CD163L1: variants seen among roughly 807,000 people sequenced by gnomAD.
CD163L1 encodes scavenger receptor cysteine-rich type 1 protein M160.
In CD163L1, 124 loss-of-function variants were observed where a neutral mutation model predicts 165.4. The observed-to-expected ratio is 0.75, with a 90% CI of 0.65 to 0.87. The LOEUF (loss-of-function observed/expected upper bound fraction) is 0.87. Ranked by LOEUF, CD163L1 falls within the 40% of genes least tolerant of loss-of-function variation. CD163L1 has a pLI of 0.00. For synonymous variants in CD163L1, 585 were observed against 662.2 expected, an observed-to-expected ratio of 0.88 and a Z score of 1.79; for missense variants, 1,525 against 1,799.9, an observed-to-expected ratio of 0.85 and a Z score of 2.76.
At position 7,400,161 on chromosome 12, in the gene CD163L1, G is replaced by A. The variant is rs1045373154; in HGVS notation, c.1409-1577C>T. Among the ~76,000 whole-genome samples, 2 of 151,944 alleles carry A rather than the reference G, an allele frequency of 1.3e-5. No homozygotes were observed. Among genetic ancestry groups the A allele is most frequent in the East Asian group, 3.9e-4 (2 of 5,182 alleles). ...GTTATTTAATCAAGACACAATTCTT[G>A]GTTACCTATGTTATGGTTAATTTTT... is the stretch of plus-strand genomic sequence containing the variant. On this transcript the variant is annotated intron_variant, in intron 6 of 19. Coordinates refer to ENST00000313599, the MANE Select transcript of CD163L1 (RefSeq NM_174941.6). The surrounding 1 kb of genome is among the most constrained non-coding windows in gnomAD (Gnocchi z 4.1).
In CD163L1 at chr12:7,406,580, C is replaced by T. The variant is rs774381093; in HGVS notation, c.1039G>A (p.Val347Ile). 1.1e-5 allele frequency: 18 copies of T among 1,614,038 alleles called. No homozygotes were observed. The highest frequency in any genetic ancestry group is 4.5e-5 in the East Asian group (2 of 44,864). ...TTTTGATGAAGACAGTCAAAATTGA[C>T]GGTTCCGGAATGTCTGCAGTCCCAA... ...FLWDCRHSGTVNFDCLHQNDV... is the reference protein window; with the variant it reads ...FLWDCRHSGTINFDCLHQNDV... The change falls in exon 5 of 20, where the codon GTC becomes ATC. Residue 347 changes from valine (V) to isoleucine (I), a missense_variant. Val to Ile is a conservative substitution (Grantham distance 29). Transcript: ENST00000313599.
chr12:7,328,976 A>G, the CD163L1 span, among the ~76,000 whole-genome samples: 1 of 148,712 alleles, frequency 6.7e-6, no homozygotes, highest in Non-Finnish European at 1.5e-5. Flanking sequence ...ATACATATAT[A>G]CATATGTGTA....
the CD163L1 span, among the ~76,000 whole-genome samples, chr12:7,331,438 G>T: frequency 6.6e-6 from 1 of 152,202 alleles, no homozygotes; most frequent in Non-Finnish European, 1.5e-5. Context: ...GAGAGCAGTG[G>T]TTCTCCCAGC....
the CD163L1 span, among the ~76,000 whole-genome samples, chr12:7,338,412 T>C: frequency 6.6e-6 from 1 of 152,200 alleles, no homozygotes; most frequent in Non-Finnish European, 1.5e-5. Context: ...ATTCCTGACA[T>C]GAATAAGCAT....
At chr12:7,344,904 T>G (rs1946658846), downstream of CD163L1, among the ~76,000 whole-genome samples, 1 of 152,210 alleles carries the variant, frequency 6.6e-6, no homozygotes. Flanking sequence ...AGGAGCAGTG[T>G]CCCCAGGCTG....
At chr12:7,430,048 T>C (rs1298331096) in intron 4 of CD163L1, among the ~76,000 whole-genome samples, 2 of 152,108 alleles carry the variant, frequency 1.3e-5, no homozygotes, top group African/African-American at 2.4e-5. Flanking sequence ...GAGAATTGGG[T>C]TTCTCCTTTT....
rs1450447622 is a variant in CD163L1, at chr12:7,372,949, C to T, written c.3730+371G>A. On this transcript the variant is annotated intron_variant, in intron 14 of 19. Coordinates refer to ENST00000313599, the MANE Select transcript of CD163L1 (RefSeq NM_174941.6). The surrounding 1 kb of genome is among the most constrained non-coding windows in gnomAD (Gnocchi z 4.2). The stretch of plus-strand genomic sequence containing the variant: ...GGAAAAAATAGAGCTGCTTAATCTC[C>T]ATAATTAATTCACATTTCCTCAAAA... Among the ~76,000 whole-genome samples the T allele has an allele frequency of 6.6e-6, 1 of 152,052 alleles. No individual in the cohort carries two copies. The highest frequency in any genetic ancestry group is 2.4e-5 in the African/African-American group (1 of 41,406).
At position 7,393,436 on chromosome 12, in the gene CD163L1, G is replaced by T. The variant is rs763399322; in HGVS notation, c.2050+2659C>A. Among the ~76,000 whole-genome samples, 3 of 152,198 alleles carry T rather than the reference G, an allele frequency of 2.0e-5. No homozygotes were observed. In the South Asian group the frequency reaches 6.2e-4, roughly 32 times the overall value. On this transcript the variant is annotated intron_variant, in intron 8 of 19. Transcript: ENST00000313599. The stretch of plus-strand genomic sequence containing the variant: ...TGGAACGTATCTCAAAATAATAAGA[G>T]CTATTTATGACAAACCCACAGCCAA...
chr12:7,331,673 G>C, the CD163L1 span, among the ~76,000 whole-genome samples: 10 of 152,154 alleles, frequency 6.6e-5, no homozygotes, highest in African/African-American at 4.8e-5. Flanking sequence ...AGGCAAACAG[G>C]GTCTGGAATG....
intron 8 of CD163L1, among the ~76,000 whole-genome samples, chr12:7,383,120 G>C (rs1947447652): frequency 6.6e-6 from 1 of 152,162 alleles, no homozygotes; most frequent in Non-Finnish European, 1.5e-5. Flanking sequence ...GGCTTGCCAG[G>C]ATGCCATACA....
In CD163L1 at chr12:7,406,659, C is replaced by A. The variant is rs755422487; in HGVS notation, c.960G>T (p.Gly320=). ...CACCATCAAGCCATACAACATCAGA[C>A]CCTGACTGCAAATGAGGCAAGCCAG... ...HFAGLPHLQS[G]SDVVWLDGVS... Residue 320 remains glycine, a synonymous_variant, in exon 5 of 20, where the codon GGG becomes GGT. Coordinates refer to ENST00000313599, the MANE Select transcript of CD163L1 (RefSeq NM_174941.6). 17 of 1,613,952 alleles carry A rather than the reference C, an allele frequency of 1.1e-5. No individual in the cohort carries two copies. The highest frequency in any genetic ancestry group is 1.4e-5 in the Non-Finnish European group (16 of 1,180,000).
chr12:7,362,659 CTAATA>C (rs1048924698), intron 18 of CD163L1, among the ~76,000 whole-genome samples: 6 of 143,364 alleles, frequency 4.2e-5, no homozygotes, highest in East Asian at 3.9e-4. Flanking sequence ...TTATATAATT[CTAATA>C]TAATATATGA....
At chr12:7,363,929 C>T (rs1458798313) in intron 18 of CD163L1, among the ~76,000 whole-genome samples, 1 of 152,000 alleles carries the variant, frequency 6.6e-6, no homozygotes, top group Non-Finnish European at 1.5e-5. Context: ...CACTTCTAAA[C>T]TCATTTTATA....
intron 4 of CD163L1, among the ~76,000 whole-genome samples, chr12:7,423,117 TAACA>T (rs1948470166): frequency 6.6e-6 from 1 of 151,976 alleles, no homozygotes; most frequent in South Asian, 2.1e-4. Flanking sequence ...ACAGAAATCA[TAACA>T]AACAGTCTCT....
intron 18 of CD163L1, among the ~76,000 whole-genome samples, chr12:7,358,609 C>T (rs1449514914): frequency 1.3e-5 from 2 of 152,056 alleles, no homozygotes; most frequent in Non-Finnish European, 2.9e-5. Flanking sequence ...AGCTTAATCC[C>T]TCGCCAGATA....
chr12:7,347,640 C>T lies in CD163L1; in HGVS notation c.*25-493G>A, dbSNP rs1024566061. On this transcript the variant is annotated intron_variant, in intron 4 of 4. Coordinates refer to the CD163L1 transcript ENST00000539726. The surrounding 1 kb of genome is among the most constrained non-coding windows in gnomAD (Gnocchi z 4.2). Reference sequence around the variant, plus strand: ...AAAATTAGCCTGGTGTGGTGGCGGGCGCCTGTAGTCCCAGCTACTCGGAGA... The same window carrying T: ...AAAATTAGCCTGGTGTGGTGGCGGGTGCCTGTAGTCCCAGCTACTCGGAGA... Among the ~76,000 whole-genome samples the T allele has an allele frequency of 3.9e-5, 6 of 151,960 alleles. No individual in the cohort carries two copies. Among genetic ancestry groups the T allele is most frequent in the Non-Finnish European group, 8.8e-5 (6 of 67,986 alleles).
chr12:7,323,527 T>C, the CD163L1 span: 1 of 1,613,868 alleles, frequency 6.2e-7, no homozygotes. Context: ...GACTCAAACC[T>C]ACACGGCCCT....
chr12:7,410,026 T>C (rs1282247976), intron 4 of CD163L1, among the ~76,000 whole-genome samples: 1 of 151,972 alleles, frequency 6.6e-6, no homozygotes, highest in Non-Finnish European at 1.5e-5. Context: ...ACTGAAAATT[T>C]TGGCAGAAAA....
At chr12:7,322,630 A>G in the CD163L1 span, 1 of 1,472,572 alleles carries the variant, frequency 6.8e-7, no homozygotes, top group Non-Finnish European at 9.0e-7. Context: ...CCCCCATCCC[A>G]CTGTAAATTT....
Sources: allele counts gnomAD v4.1 joint callset (sites outside exome capture counted in the v4.1 genomes callset), GRCh38; gene constraint gnomAD v4.1.1; non-coding constraint Gnocchi (gnomAD v3.1); transcripts MANE v1.5; gene names NCBI Gene and HGNC (gene_info 2026-07-23, HGNC 2026-07-21).